Variants in ATG7 observed in about 807,000 individuals in gnomAD.
ATG7 encodes the protein ubiquitin-like modifier-activating enzyme ATG7.
In ATG7, 70 loss-of-function variants were observed where a neutral mutation model predicts 82.4. That is an observed-to-expected ratio of 0.85 (90% CI 0.70 to 1.04). The LOEUF is 1.04. ATG7 is among the 50% of genes least tolerant of loss of function. ATG7 has a pLI of 0.00. For missense variants in ATG7, 792 were observed against 864.3 expected (o/e 0.92, Z 1.05); for synonymous variants, 287 against 313.0 (o/e 0.92, Z 0.88).
intron 1 of ATG7, among the ~76,000 whole-genome samples, chr3:11,274,646 G>T (rs1312908260): frequency 6.6e-6 from 1 of 152,132 alleles, no homozygotes; most frequent in South Asian, 2.1e-4. Context: ...CCCGCACATA[G>T]ACTTTGGGAT....
the ATG7 span, among the ~76,000 whole-genome samples, chr3:11,573,255 GAA>G: frequency 0.12 from 1,149 of 9,638 alleles, 98 homozygotes; most frequent in South Asian, 0.23. Context: ...GAGAAAGAAA[GAA>G]AGAAAGAAAG....
chr3:11,322,069 A>G (rs1168153488), intron 9 of ATG7, among the ~76,000 whole-genome samples: 3 of 152,188 alleles, frequency 2.0e-5, no homozygotes, highest in Non-Finnish European at 1.5e-5. Context: ...TGAAAGCTCA[A>G]AAGCAAATGC....
At position 11,298,812 on chromosome 3, in the gene ATG7, G is replaced by A. The variant is rs1354976260; in HGVS notation, c.117G>A (p.Arg39=). The part of the protein sequence containing the change: ...ELTQKKLNEY[R]LDEAPKDIKG... ...CCCAGAAGAAGCTGAACGAGTATCG[G>A]CTGGATGAAGCTCCCAAGGACATTA... The change falls in exon 4 of 21, where the codon CGG becomes CGA. Residue 39 remains arginine, a synonymous_variant. Transcript: ENST00000693202. 2 of 1,614,198 alleles carry A rather than the reference G, an allele frequency of 1.2e-6. No individual in the cohort carries two copies. The highest frequency in any genetic ancestry group is 1.7e-5 in the Admixed American group (1 of 60,028).
At chr3:11,492,168 G>A (rs1233870021) in intron 20 of ATG7, among the ~76,000 whole-genome samples, 8 of 152,186 alleles carry the variant, frequency 5.3e-5, no homozygotes, top group African/African-American at 1.4e-4. Flanking sequence ...CTCCTGGTGC[G>A]CCGTTTTTAA....
the ATG7 span, among the ~76,000 whole-genome samples, chr3:11,573,795 A>G: frequency 6.6e-6 from 1 of 152,216 alleles, no homozygotes; most frequent in Non-Finnish European, 1.5e-5. Flanking sequence ...CCCTGAAAAG[A>G]CATTGAAGTC....
chr3:11,374,722 G>A (rs958139939), intron 18 of ATG7, among the ~76,000 whole-genome samples: 1 of 151,940 alleles, frequency 6.6e-6, no homozygotes, highest in Non-Finnish European at 1.5e-5. Flanking sequence ...TGGTTAACAT[G>A]GTGAAACCCT....
chr3:11,437,359 G>C (rs1465804659), intron 20 of ATG7, among the ~76,000 whole-genome samples: 1 of 152,160 alleles, frequency 6.6e-6, no homozygotes, highest in Non-Finnish European at 1.5e-5. Context: ...GGAAGAGATG[G>C]AGGGGCCTAC....
chr3:11,313,253 C>G, intron 7 of ATG7, 51 bp from the exon 8 acceptor site: 1 of 1,239,424 alleles, frequency 8.1e-7, no homozygotes, highest in Non-Finnish European at 1.1e-6. Context: ...ATGCATTTCA[C>G]CTTAAGTTAA....
intron 19 of ATG7, among the ~76,000 whole-genome samples, chr3:11,391,353 A>G (rs1304593306): frequency 6.6e-6 from 1 of 152,146 alleles, no homozygotes. Context: ...CGGAGCATGC[A>G]CTGATGGGGA....
At chr3:11,552,343 C>T (rs777149612) in intron 20 of ATG7, among the ~76,000 whole-genome samples, 1 of 152,130 alleles carries the variant, frequency 6.6e-6, no homozygotes, top group Admixed American at 6.5e-5. Flanking sequence ...ATACCCTTGT[C>T]GGCACTGAGT....
At chr3:11,554,704 G>A in intron 20 of ATG7, 107 bp from the exon 21 acceptor site, 1 of 1,330,284 alleles carries the variant, frequency 7.5e-7, no homozygotes, top group Non-Finnish European at 1.0e-6. Context: ...ACAAGGGAGT[G>A]GTTCTGCAGG....
In ATG7 at chr3:11,426,801, C is replaced by T. The variant is rs1222727051; in HGVS notation, c.1957-3C>T. The T allele has an allele frequency of 2.6e-6, 4 of 1,567,538 alleles. No individual in the cohort carries two copies. The highest frequency in any genetic ancestry group is 4.0e-5 in the Admixed American group (2 of 49,570). On this transcript the variant is annotated splice_polypyrimidine_tract_variant and splice_region_variant and intron_variant, in intron 19 of 20. Coordinates refer to ENST00000693202, the MANE Select transcript of ATG7 (RefSeq NM_001349232.2). ...CTTTTTAAAAAATGTAAATGTTTTA[C>T]AGGTTCTTGATCAATATGAACGAGA... is the stretch of plus-strand genomic sequence containing the variant.
At chr3:11,310,553 G>A (rs910361070) in intron 7 of ATG7, among the ~76,000 whole-genome samples, 1 of 151,876 alleles carries the variant, frequency 6.6e-6, no homozygotes, top group African/African-American at 2.4e-5. Context: ...GGAGGAGAGA[G>A]AAAAATGTTT....
intron 20 of ATG7, among the ~76,000 whole-genome samples, chr3:11,438,784 G>C (rs1328866479): frequency 6.6e-6 from 1 of 152,048 alleles, no homozygotes; most frequent in Non-Finnish European, 1.5e-5. Context: ...AAAACTAAAG[G>C]AATTCTTGGA....
chr3:11,432,829 G>C (rs564131119), intron 20 of ATG7, among the ~76,000 whole-genome samples: 1 of 152,052 alleles, frequency 6.6e-6, no homozygotes. Context: ...TTACTTCCAA[G>C]GCCTTTACTG....
chr3:11,387,047 G>C (rs940513383), intron 19 of ATG7, among the ~76,000 whole-genome samples: 1 of 152,206 alleles, frequency 6.6e-6, no homozygotes, highest in African/African-American at 2.4e-5. Flanking sequence ...CCAGTTCCCT[G>C]TGGCCAAGTA....
At chr3:11,392,010 G>A (rs2078851406) in intron 19 of ATG7, among the ~76,000 whole-genome samples, 1 of 151,362 alleles carries the variant, frequency 6.6e-6, no homozygotes, top group Non-Finnish European at 1.5e-5. Flanking sequence ...GGACTTAATT[G>A]GTTAGGCTCC....
intron 20 of ATG7, among the ~76,000 whole-genome samples, chr3:11,486,840 T>TTA (rs34461730): frequency 0.13 from 17,749 of 131,668 alleles, 1,209 homozygotes; most frequent in South Asian, 0.3. Flanking sequence ...TTTTTTTTTT[T>TTA]AATTTATTTT....
chr3:11,558,905 A>G, downstream of ATG7: 1 of 1,528,378 alleles, frequency 6.5e-7, no homozygotes, highest in East Asian at 2.3e-5. Context: ...ACCCTCCCTC[A>G]GGCAGCCCAG....
Sources: allele counts gnomAD v4.1 joint callset (sites outside exome capture counted in the v4.1 genomes callset), GRCh38; gene constraint gnomAD v4.1.1; transcripts MANE v1.5; gene names NCBI Gene and HGNC (gene_info 2026-07-23, HGNC 2026-07-21).